Variants in PPT1 observed in about 807,000 individuals in gnomAD.
PPT1 encodes the protein palmitoyl-protein thioesterase 1, also known as ceroid-palmitoyl-palmitoyl-protein thioesterase 1.
A neutral mutation model predicts 44.0 loss-of-function variants in PPT1; 24 were observed. The ratio of observed to expected loss-of-function variants is 0.54; its 90% CI spans 0.39 to 0.77. PPT1 has a LOEUF of 0.77. PPT1 is among the 30% of genes least tolerant of loss of function. The pLI is 0.00. For missense variants in PPT1, 341 were observed against 378.8 expected (o/e 0.90, Z 0.83); for synonymous variants, 148 against 140.2 (o/e 1.06, Z -0.39).
intron 5 of PPT1, among the ~76,000 whole-genome samples, chr1:40,082,854 T>G (rs542952410): frequency 6.6e-6 from 1 of 152,222 alleles, no homozygotes; most frequent in South Asian, 2.1e-4. Flanking sequence ...TGGAAGAAGA[T>G]GCCATCTAGG....
chr1:40,072,241 G>T, downstream of PPT1: 19 of 317,330 alleles, frequency 6.0e-5, no homozygotes, highest in Admixed American at 1.3e-4. Flanking sequence ...CTATAGAGAT[G>T]ACTTTAAAAG....
At position 40,092,525 on chromosome 1, in the gene PPT1, A is replaced by C; in HGVS notation, c.125-18T>G. 2 of 1,554,656 alleles carry C rather than the reference A, an allele frequency of 1.3e-6. No individual in the cohort carries two copies. The highest frequency in any genetic ancestry group is 1.8e-6 in the Non-Finnish European group (2 of 1,125,950). The stretch of plus-strand genomic sequence containing the variant: ...GCTGTCTCCTAGCCAACAAAACACA[A>C]TGATGGAAACTCATGAGTCCAAATA... On this transcript the variant is annotated intron_variant, in intron 1 of 8. Coordinates refer to ENST00000642050, the MANE Select transcript of PPT1 (RefSeq NM_000310.4).
intron 5 of PPT1, among the ~76,000 whole-genome samples, chr1:40,085,732 T>C (rs1219212268): frequency 6.6e-6 from 1 of 152,246 alleles, no homozygotes; most frequent in Non-Finnish European, 1.5e-5. Context: ...TTAGGCATGA[T>C]GCTACTGCAC....
chr1:40,096,182 T>C (rs1649830100), intron 1 of PPT1, among the ~76,000 whole-genome samples: 1 of 152,224 alleles, frequency 6.6e-6, no homozygotes, highest in Non-Finnish European at 1.5e-5. Flanking sequence ...CTTTGCTTTA[T>C]TAAAAGTGCA....
chr1:40,079,439 G>A (rs1468628225), intron 6 of PPT1, among the ~76,000 whole-genome samples: 3 of 112,488 alleles, frequency 2.7e-5, no homozygotes, highest in African/African-American at 3.5e-5. Flanking sequence ...CTCTGTCACC[G>A]AGGCCAGAGT....
intron 6 of PPT1, chr1:40,078,909 G>T (rs948174659): frequency 4.4e-6 from 2 of 456,486 alleles, no homozygotes; most frequent in African/African-American, 2.0e-5. Context: ...GGTATATTGT[G>T]TGATGCTGAG....
At chr1:40,087,540 G>A (rs184194246) in intron 5 of PPT1, among the ~76,000 whole-genome samples, 19 of 152,030 alleles carry the variant, frequency 1.2e-4, no homozygotes, top group African/African-American at 4.1e-4. Flanking sequence ...ACTGCGCCCC[G>A]CCTTAATCAG....
intron 4 of PPT1, among the ~76,000 whole-genome samples, chr1:40,090,142 G>A (rs1649477197): frequency 6.6e-6 from 1 of 152,144 alleles, no homozygotes; most frequent in African/African-American, 2.4e-5. Context: ...ACAGTATCCT[G>A]TTGTTTTTTT....
downstream of PPT1, chr1:40,072,423 A>G (rs1308172675): frequency 9.0e-6 from 2 of 222,740 alleles, no homozygotes; most frequent in Non-Finnish European, 1.7e-5. Context: ...CCTCCACTGC[A>G]GGCTGGTTTT....
At position 40,073,092 on chromosome 1, in the gene PPT1, T is replaced by G. The variant is rs376286074; in HGVS notation, c.*969A>C. On this transcript the variant is annotated 3_prime_UTR_variant, in exon 9 of 9. Transcript: ENST00000642050. ...AGAAGGAGAAAGGGAGTGTGTAGTATTTTCCAAGCTTTTTGAGCAAACAAT... is the reference window on the plus strand; with the variant it reads ...AGAAGGAGAAAGGGAGTGTGTAGTAGTTTCCAAGCTTTTTGAGCAAACAAT... The G allele has an allele frequency of 6.6e-6, 1 of 152,226 alleles. No individual in the cohort carries two copies. Among genetic ancestry groups the G allele is most frequent in the Admixed American group, 6.5e-5 (1 of 15,286 alleles). 9.4% of individuals were successfully genotyped at this position (152,226 alleles called of 1,614,324 possible).
downstream of PPT1, chr1:40,072,060 C>T: frequency 2.5e-6 from 1 of 403,268 alleles, no homozygotes; most frequent in East Asian, 3.6e-5. Context: ...GCATTCCATA[C>T]AAAATTGTTT....
intron 5 of PPT1, among the ~76,000 whole-genome samples, chr1:40,083,428 C>T (rs139047867): frequency 4.9e-4 from 74 of 152,226 alleles, no homozygotes; most frequent in African/African-American, 1.8e-3. Flanking sequence ...GCACTCTAGT[C>T]TGGGCAAGAG....
chr1:40,078,819 GC>G, intron 6 of PPT1, 161 bp from the exon 7 acceptor site: 2 of 675,308 alleles, frequency 3.0e-6, no homozygotes, highest in Non-Finnish European at 5.4e-6. Context: ...TACCTGTACA[GC>G]TTTTTTTTTT....
Position 40,073,882 on chromosome 1 carries a change from CAG to C in PPT1, c.*177_*178del. The stretch of plus-strand genomic sequence containing the variant: ...ACTTGCATTCAACACCATATGGTAA[CAG>C]AAGATGGCAAAGGATAAGATTCAGA... On this transcript the variant is annotated 3_prime_UTR_variant, in exon 9 of 9. Transcript: ENST00000642050. 5.9e-6 allele frequency: 5 copies of C among 853,658 alleles called. No homozygotes were observed. Among genetic ancestry groups the C allele is most frequent in the Non-Finnish European group, 9.3e-6 (5 of 537,210 alleles). The allele number at this position is 853,658 out of a possible 1,614,324, so 52.9% of individuals were successfully genotyped here. A position where few individuals can be genotyped will look rare whatever the true frequency, so the allele number is the denominator to read the frequency against.
At position 40,076,976 on chromosome 1, in the gene PPT1, T is replaced by G. The variant is rs1031829385; in HGVS notation, c.727-63A>C. 3.8e-6 allele frequency: 6 copies of G among 1,581,870 alleles called. No homozygotes were observed. The African/African-American group carries it at 8.1e-5, about 21-fold the overall frequency. On this transcript the variant is annotated intron_variant, in intron 7 of 8. Transcript: ENST00000642050. ...ACACAGCACATACTGCCAAAATAAT[T>G]TGAGACTGGTTAGAAGCTAAAACTG...
intron 4 of PPT1, among the ~76,000 whole-genome samples, chr1:40,090,385 T>C (rs1649495692): frequency 6.6e-6 from 1 of 152,032 alleles, no homozygotes; most frequent in Admixed American, 6.6e-5. Flanking sequence ...AGTGCATATG[T>C]GTGTATATAT....
intron 5 of PPT1, among the ~76,000 whole-genome samples, chr1:40,088,507 T>A (rs1338646337): frequency 6.6e-6 from 1 of 152,184 alleles, no homozygotes; most frequent in Non-Finnish European, 1.5e-5. Context: ...GGTTCTGATA[T>A]ACAATTAAGT....
At chr1:40,093,973 G>C in intron 1 of PPT1, 1 of 716,216 alleles carries the variant, frequency 1.4e-6, no homozygotes, top group Non-Finnish European at 2.6e-6. Flanking sequence ...CAGGAGGATT[G>C]CTTGAGGCCA....
At chr1:40,095,197 A>T (rs1230119443) in intron 1 of PPT1, among the ~76,000 whole-genome samples, 1 of 152,138 alleles carries the variant, frequency 6.6e-6, no homozygotes, top group East Asian at 1.9e-4. Context: ...TCTTCCTGAA[A>T]CATTTTCTTC....
Sources: gnomAD v4.1 joint callset for allele counts (sites outside exome capture counted in the v4.1 genomes callset) on GRCh38, gnomAD v4.1.1 for gene constraint, MANE v1.5 for transcripts, NCBI Gene and HGNC (gene_info 2026-07-23, HGNC 2026-07-21) for gene names.